Variants in DCAF1 observed in about 807,000 individuals in gnomAD.
DCAF1 encodes DDB1 and CUL4 associated factor 1.
In DCAF1, 15 loss-of-function variants were observed where a neutral mutation model predicts 128.0. That is an observed-to-expected ratio of 0.12 (90% CI 0.08 to 0.18). The LOEUF (loss-of-function observed/expected upper bound fraction) is 0.18, where lower values mean the gene tolerates loss of function less well. Ranked by LOEUF, DCAF1 falls within the 10% of genes least tolerant of loss-of-function variation. The pLI is 1.00. For missense variants in DCAF1, 988 were observed against 1,649.5 expected (o/e 0.60, Z 6.95); for synonymous variants, 610 against 603.0 (o/e 1.01, Z -0.17).
intron 23 of DCAF1, among the ~76,000 whole-genome samples, chr3:51,408,526 G>C (rs1250834383): frequency 6.6e-6 from 1 of 152,156 alleles, no homozygotes; most frequent in African/African-American, 2.4e-5. Flanking sequence ...AGCGTACAAA[G>C]CAAAGTAAAA....
At chr3:51,407,177 A>C (rs1047266406) in intron 23 of DCAF1, among the ~76,000 whole-genome samples, 5 of 139,508 alleles carry the variant, frequency 3.6e-5, no homozygotes, top group African/African-American at 5.3e-5. Context: ...AAAAAAAAAA[A>C]AACAACAACA....
At chr3:51,467,198 G>A (rs1553646793) in intron 4 of DCAF1, among the ~76,000 whole-genome samples, 1 of 151,976 alleles carries the variant, frequency 6.6e-6, no homozygotes, top group African/African-American at 2.4e-5. Context: ...CAGGTGCAGT[G>A]GCGGGCGCCT....
chr3:51,421,350 G>A (rs1391727085), intron 14 of DCAF1, among the ~76,000 whole-genome samples: 3 of 152,084 alleles, frequency 2.0e-5, no homozygotes, highest in East Asian at 1.9e-4. Context: ...TCCGCCTCCC[G>A]AGTTCAAGTG....
intron 1 of DCAF1, among the ~76,000 whole-genome samples, chr3:51,497,346 T>C (rs552517313): frequency 4.6e-5 from 7 of 152,030 alleles, no homozygotes; most frequent in African/African-American, 1.4e-4. Flanking sequence ...TCCCAGCACT[T>C]TGGGAGGCCT....
chr3:51,496,913 A>G (rs1553661184), intron 1 of DCAF1, among the ~76,000 whole-genome samples, 133 bp from the exon 2 acceptor site: 1 of 152,204 alleles, frequency 6.6e-6, no homozygotes, highest in Admixed American at 6.6e-5. Context: ...GTATTTAGGG[A>G]TGACAGGCCT....
intron 1 of DCAF1, among the ~76,000 whole-genome samples, chr3:51,499,289 C>G (rs1553662941): frequency 6.6e-6 from 1 of 152,228 alleles, no homozygotes; most frequent in Non-Finnish European, 1.5e-5. Flanking sequence ...GCACACCTCT[C>G]TTTCCAACCC....
At chr3:51,473,682 T>C (rs1553649346) in intron 3 of DCAF1, among the ~76,000 whole-genome samples, 3 of 151,996 alleles carry the variant, frequency 2.0e-5, no homozygotes, top group African/African-American at 7.2e-5. Flanking sequence ...CCCGGCTAAC[T>C]TCAAAAATTT....
At position 51,422,438 on chromosome 3, in the gene DCAF1, A is replaced by G; in HGVS notation, c.1848-7T>C. 1 of 719,694 alleles carries G rather than the reference A, an allele frequency of 1.4e-6. No homozygotes were observed. The highest frequency in any genetic ancestry group is 1.5e-5 in the South Asian group (1 of 67,634). 44.6% of individuals were successfully genotyped at this position (719,694 alleles called of 1,614,324 possible). On this transcript the variant is annotated splice_polypyrimidine_tract_variant and splice_region_variant and intron_variant, in intron 13 of 24. Transcript: ENST00000684031. ...AAAGCGCACAGTGTCATTCCTGGAC[A>G]GGAAGAATTAGTCAAAGGGAAATTA...
intron 4 of DCAF1, among the ~76,000 whole-genome samples, chr3:51,468,531 TAG>T (rs1704380679): frequency 6.6e-6 from 1 of 152,146 alleles, no homozygotes; most frequent in African/African-American, 2.4e-5. Context: ...TCAGAGCATT[TAG>T]AGAGGCAAAT....
chr3:51,488,965 G>C (rs1311781763), intron 2 of DCAF1, among the ~76,000 whole-genome samples: 1 of 152,154 alleles, frequency 6.6e-6, no homozygotes, highest in Non-Finnish European at 1.5e-5. Context: ...ACTCCGTCTC[G>C]GGTGGGGCAG....
chr3:51,443,386 C>T (rs574957638), intron 7 of DCAF1, among the ~76,000 whole-genome samples: 65 of 152,032 alleles, frequency 4.3e-4, no homozygotes, highest in Middle Eastern at 3.4e-3. Flanking sequence ...GTCAGGAGTT[C>T]GAGACCAGCC....
chr3:51,490,881 G>A (rs982064206), intron 2 of DCAF1, among the ~76,000 whole-genome samples: 32 of 152,202 alleles, frequency 2.1e-4, no homozygotes, highest in Non-Finnish European at 2.9e-4. Flanking sequence ...AGCCGAGATC[G>A]TGCCACTGCA....
intron 6 of DCAF1, among the ~76,000 whole-genome samples, chr3:51,459,384 A>G (rs1316096138): frequency 6.6e-6 from 1 of 152,228 alleles, no homozygotes. Flanking sequence ...GAACAGACCA[A>G]TAACAGGCTC....
chr3:51,490,931 A>C (rs1707559172), intron 2 of DCAF1, among the ~76,000 whole-genome samples: 3 of 152,016 alleles, frequency 2.0e-5, no homozygotes, highest in Non-Finnish European at 4.4e-5. Flanking sequence ...CTGTCTCAAA[A>C]AACAACAACA....
intron 9 of DCAF1, among the ~76,000 whole-genome samples, chr3:51,434,769 G>GT (rs1293362030): frequency 1.3e-5 from 2 of 152,112 alleles, no homozygotes; most frequent in Non-Finnish European, 2.9e-5. Flanking sequence ...ATTTTTTAAG[G>GT]TTTTTTAACT....
At chr3:51,432,809 AGTGCCTGAAGG>A (rs1700509297) in intron 10 of DCAF1, among the ~76,000 whole-genome samples, 2 of 152,318 alleles carry the variant, frequency 1.3e-5, no homozygotes, top group Admixed American at 1.3e-4. Flanking sequence ...ACATCGGAAA[AGTGCCTGAAGG>A]CTAATCTTAA....
At chr3:51,449,487 G>A (rs1454180036) in intron 6 of DCAF1, among the ~76,000 whole-genome samples, 3 of 152,180 alleles carry the variant, frequency 2.0e-5, no homozygotes, top group African/African-American at 4.8e-5. Context: ...GATTACAGGC[G>A]TGAGCCACTG....
chr3:51,436,814 A>G (rs1323547803), intron 9 of DCAF1, among the ~76,000 whole-genome samples: 4 of 152,156 alleles, frequency 2.6e-5, no homozygotes, highest in Non-Finnish European at 5.9e-5. Context: ...ACGTAAAGAG[A>G]CCGTTGGGTA....
At chr3:51,400,161 G>T (rs1559464843) in intron 24 of DCAF1, among the ~76,000 whole-genome samples, 1 of 152,218 alleles carries the variant, frequency 6.6e-6, no homozygotes, top group Non-Finnish European at 1.5e-5. Flanking sequence ...GTGATGTATT[G>T]GTGAAGAGTA....
Sources: gnomAD v4.1 joint callset for allele counts (sites outside exome capture counted in the v4.1 genomes callset) on GRCh38, gnomAD v4.1.1 for gene constraint, MANE v1.5 for transcripts, NCBI Gene and HGNC (gene_info 2026-07-23, HGNC 2026-07-21) for gene names.